The following PRR16 variants were observed in gnomAD, a reference collection of about 807,000 sequenced individuals.
The protein encoded by PRR16 is proline rich 16, also known as protein Largen.
PRR16 carries 6 observed loss-of-function variants against 18.2 expected under a neutral mutation model. The ratio of observed to expected loss-of-function variants is 0.33; its 90% CI spans 0.18 to 0.65. PRR16 has a LOEUF of 0.65. Ranked by LOEUF, PRR16 falls within the 30% of genes least tolerant of loss-of-function variation. The pLI is 0.74. For missense variants in PRR16, 412 were observed against 376.6 expected (o/e 1.09, Z -0.78); for synonymous variants, 151 against 147.8 (o/e 1.02, Z -0.16).
At chr5:120,530,663 A>G (rs1002182415) in intron 1 of PRR16, among the ~76,000 whole-genome samples, 13 of 152,164 alleles carry the variant, frequency 8.5e-5, no homozygotes, top group African/African-American at 3.1e-4. Flanking sequence ...AAAACAGTGT[A>G]ACTGAGCAGC....
intron 1 of PRR16, among the ~76,000 whole-genome samples, chr5:120,575,553 A>G (rs1160287436): frequency 1.3e-5 from 2 of 152,164 alleles, no homozygotes; most frequent in Non-Finnish European, 2.9e-5. Context: ...TGAAGGCCAA[A>G]ACATCATAAT....
At position 120,686,668 on chromosome 5, in the gene PRR16, C is replaced by T; in HGVS notation, c.874C>T (p.Gln292Ter). The T allele has an allele frequency of 6.4e-7, 1 of 1,572,088 alleles. No homozygotes were observed. Among genetic ancestry groups the T allele is most frequent in the Non-Finnish European group, 8.6e-7 (1 of 1,157,076 alleles). The part of the protein sequence containing the change: ...TVPPPTAPKP[Q>*]KTILRKSTTT... The stretch of plus-strand genomic sequence containing the variant: ...GCCTCCTCCCACTGCACCAAAACCA[C>T]AGAAGACGATCTTGAGGAAGTCAAC... The change falls in exon 2 of 2, where the codon CAG becomes TAG. Residue 292 changes from glutamine to a stop codon, truncating the protein, a stop_gained. Coordinates refer to ENST00000407149, the MANE Select transcript of PRR16 (RefSeq NM_001300783.2). LOFTEE classifies it high-confidence loss of function.
chr5:120,689,629 CA>C (rs1385948719), downstream of PRR16, among the ~76,000 whole-genome samples: 1 of 151,906 alleles, frequency 6.6e-6, no homozygotes, highest in Non-Finnish European at 1.5e-5. Context: ...GTGATGTTTC[CA>C]CAAAATGTAA....
chr5:120,752,716 G>A, the PRR16 span, among the ~76,000 whole-genome samples: 1 of 151,746 alleles, frequency 6.6e-6, no homozygotes, highest in African/African-American at 2.4e-5. Context: ...ATGATATTTG[G>A]TTATAAGTTT....
the PRR16 span, among the ~76,000 whole-genome samples, chr5:120,742,128 T>C: frequency 7.5e-3 from 1,137 of 152,148 alleles, 10 homozygotes; most frequent in African/African-American, 0.026. Context: ...TTATACAATA[T>C]ATAATATTTC....
the PRR16 span, among the ~76,000 whole-genome samples, chr5:120,767,378 T>A: frequency 6.6e-6 from 1 of 151,882 alleles, no homozygotes; most frequent in Non-Finnish European, 1.5e-5. Flanking sequence ...CTATGCTAAT[T>A]ATACTCTCCA....
At chr5:120,533,833 A>G (rs1751629246) in intron 1 of PRR16, among the ~76,000 whole-genome samples, 1 of 152,216 alleles carries the variant, frequency 6.6e-6, no homozygotes. Context: ...ACAACACATG[A>G]CACGAATTCC....
the PRR16 span, among the ~76,000 whole-genome samples, chr5:120,782,405 A>ATTGTT: frequency 1.1e-4 from 17 of 152,088 alleles, no homozygotes; most frequent in African/African-American, 3.9e-4. Flanking sequence ...GATGATTTTA[A>ATTGTT]TTGTTTTATC....
chr5:120,549,403 G>T (rs769292253), intron 1 of PRR16, among the ~76,000 whole-genome samples: 1 of 151,964 alleles, frequency 6.6e-6, no homozygotes, highest in Non-Finnish European at 1.5e-5. Flanking sequence ...CTTTAAAAGA[G>T]ACACTTGTTA....
At chr5:120,491,891 C>G (rs542238883) in intron 1 of PRR16, among the ~76,000 whole-genome samples, 97 of 152,148 alleles carry the variant, frequency 6.4e-4, no homozygotes, top group African/African-American at 2.3e-3. Context: ...TTAAAACTAT[C>G]TCCTATTTTA....
chr5:120,628,711 T>A (rs1157714309), intron 1 of PRR16, among the ~76,000 whole-genome samples: 5 of 126,450 alleles, frequency 4.0e-5, no homozygotes, highest in Admixed American at 2.0e-4. Context: ...TCTATCTATC[T>A]ATCTATCTAT....
At chr5:120,563,468 G>T (rs1270759922) in intron 1 of PRR16, among the ~76,000 whole-genome samples, 1 of 152,176 alleles carries the variant, frequency 6.6e-6, no homozygotes, top group African/African-American at 2.4e-5. Context: ...GATCCTTCCT[G>T]CTCTTCCCTT....
chr5:120,672,778 G>A (rs557735618), intron 1 of PRR16, among the ~76,000 whole-genome samples: 135 of 152,210 alleles, frequency 8.9e-4, no homozygotes, highest in African/African-American at 2.9e-3. Flanking sequence ...TCACAAATAC[G>A]AAAAGAGATT....
chr5:120,630,495 G>C (rs1030910491), intron 1 of PRR16, among the ~76,000 whole-genome samples: 1 of 152,148 alleles, frequency 6.6e-6, no homozygotes, highest in Non-Finnish European at 1.5e-5. Context: ...CACTGCTGGA[G>C]ATGATTGCCA....
At chr5:120,604,901 A>T (rs1247733413) in intron 1 of PRR16, among the ~76,000 whole-genome samples, 2 of 152,146 alleles carry the variant, frequency 1.3e-5, no homozygotes, top group Non-Finnish European at 2.9e-5. Flanking sequence ...TGAAAAATTC[A>T]CTGTTAGACT....
At chr5:120,629,701 C>A (rs1349389922) in intron 1 of PRR16, among the ~76,000 whole-genome samples, 1 of 151,966 alleles carries the variant, frequency 6.6e-6, no homozygotes, top group African/African-American at 2.4e-5. Context: ...TAAAATACAA[C>A]CTTTAGTTCT....
intron 1 of PRR16, among the ~76,000 whole-genome samples, chr5:120,616,604 A>G (rs1339944943): frequency 6.6e-6 from 1 of 152,082 alleles, no homozygotes; most frequent in African/African-American, 2.4e-5. Flanking sequence ...ACTCTATACT[A>G]CCACATTAGT....
chr5:120,500,074 G>A (rs1397151336), intron 1 of PRR16, among the ~76,000 whole-genome samples: 2 of 151,440 alleles, frequency 1.3e-5, no homozygotes, highest in Non-Finnish European at 2.9e-5. Flanking sequence ...CTTCTTTACA[G>A]TTTCTTGAGG....
intron 1 of PRR16, among the ~76,000 whole-genome samples, chr5:120,512,799 C>T (rs1750871444): frequency 6.6e-6 from 1 of 152,056 alleles, no homozygotes; most frequent in Non-Finnish European, 1.5e-5. Flanking sequence ...AGTATAGAAG[C>T]TTTACTGGGG....
Sources: gnomAD v4.1 joint callset for allele counts (sites outside exome capture counted in the v4.1 genomes callset) on GRCh38, gnomAD v4.1.1 for gene constraint, MANE v1.5 for transcripts, NCBI Gene and HGNC (gene_info 2026-07-23, HGNC 2026-07-21) for gene names.